USP20: variants seen among roughly 807,000 people sequenced by gnomAD.
USP20 encodes the protein ubiquitin carboxyl-terminal hydrolase 20.
In USP20, 80 loss-of-function variants were observed where a neutral mutation model predicts 124.2. The observed-to-expected ratio is 0.64, with a 90% CI of 0.54 to 0.78. USP20 has a LOEUF of 0.78. Among genes scored for constraint, USP20 ranks in the 30% least tolerant of loss-of-function variants. The pLI, the probability that USP20 is intolerant of heterozygous loss-of-function variation, is 0.00. For synonymous variants in USP20, 481 were observed against 512.3 expected, an observed-to-expected ratio of 0.94 and a Z score of 0.83; for missense variants, 1,043 against 1,244.4, an observed-to-expected ratio of 0.84 and a Z score of 2.44.
chr9:129,852,920 T>C (rs1268252386), intron 3 of USP20, among the ~76,000 whole-genome samples: 2 of 152,194 alleles, frequency 1.3e-5, no homozygotes, highest in Non-Finnish European at 2.9e-5. Context: ...AGGGAATGAA[T>C]GCTGCTTTCC....
chr9:129,875,154 C>T (rs202161086), intron 19 of USP20, among the ~76,000 whole-genome samples, 156 bp from the exon 20 acceptor site: 1 of 152,170 alleles, frequency 6.6e-6, no homozygotes, highest in South Asian at 2.1e-4. Flanking sequence ...CCCTGGCTGG[C>T]GGCACAGGGG....
chr9:129,867,467 G>A (rs972196154), intron 10 of USP20, among the ~76,000 whole-genome samples: 8 of 152,178 alleles, frequency 5.3e-5, no homozygotes, highest in African/African-American at 1.9e-4. Flanking sequence ...GGCTGGCACA[G>A]GGACTGAGGG....
At chr9:129,857,021 G>T (rs1322336607) in intron 4 of USP20, among the ~76,000 whole-genome samples, 1 of 151,558 alleles carries the variant, frequency 6.6e-6, no homozygotes, top group Non-Finnish European at 1.5e-5. Context: ...TATTTTTATA[G>T]TCATACTAAA....
chr9:129,860,444 TA>T (rs1230967455), intron 6 of USP20, among the ~76,000 whole-genome samples: 1 of 39,624 alleles, frequency 2.5e-5, no homozygotes, highest in Non-Finnish European at 6.8e-5. Context: ...TTATTATAAA[TA>T]AAATATTTTT....
intron 8 of USP20, among the ~76,000 whole-genome samples, chr9:129,862,927 A>ATAAT (rs1554747232): frequency 0.022 from 3,326 of 150,634 alleles, 119 homozygotes; most frequent in African/African-American, 0.077. Flanking sequence ...AATAATAATA[A>ATAAT]AAAAATAAGG....
chr9:129,851,242 G>A lies in USP20; in HGVS notation c.-16-1298G>A, dbSNP rs540321437. ...TACCTTCACCCAGTTTCCCCTAATGGTAAGAATAACACATACTTTTTTTTT... is the reference window on the plus strand; with the variant it reads ...TACCTTCACCCAGTTTCCCCTAATGATAAGAATAACACATACTTTTTTTTT... On this transcript the variant is annotated intron_variant, in intron 2 of 25. Transcript: ENST00000372429. 6.9e-4 allele frequency among the ~76,000 whole-genome samples: 104 copies of A among 150,300 alleles called. 1 individual carries two copies. The highest frequency in any genetic ancestry group is 2.3e-3 in the African/African-American group (94 of 40,582).
intron 10 of USP20, 30 bp from the exon 11 acceptor site, chr9:129,867,975 G>T: frequency 6.3e-7 from 1 of 1,592,456 alleles, no homozygotes; most frequent in Non-Finnish European, 8.6e-7. Flanking sequence ...GCCTCCAGGG[G>T]AGCCCTGTTG....
chr9:129,873,209 G>GAGT (rs984923137), intron 15 of USP20, among the ~76,000 whole-genome samples: 2 of 145,878 alleles, frequency 1.4e-5, no homozygotes, highest in Admixed American at 1.4e-4. Context: ...TCAGCCTCCT[G>GAGT]AGTAGCTGGG....
intron 1 of USP20, among the ~76,000 whole-genome samples, chr9:129,847,669 A>C (rs1340215334): frequency 6.6e-6 from 1 of 152,088 alleles, no homozygotes; most frequent in African/African-American, 2.4e-5. Flanking sequence ...AAATGCACGC[A>C]CTTTAAAGAT....
Position 129,879,592 on chromosome 9 carries a change from C to G in USP20, c.2532C>G (p.Asp844Glu), listed in dbSNP as rs369164110. The G allele has an allele frequency of 8.1e-6, 13 of 1,613,628 alleles. No homozygotes were observed. In the African/African-American group the frequency reaches 1.6e-4, roughly 20 times the overall value. ...TTGCAGAGCCCCCCGGGCCCATTGA[C>G]AACAGCAGGATTGCACAGGTCAAAG... ...GKDNEPPGPI[D>E]NSRIAQVKGS... The change falls in exon 24 of 26, where the codon GAC becomes GAG. Residue 844 changes from aspartate (D) to glutamate (E), a missense_variant. Coordinates refer to ENST00000372429, the MANE Select transcript of USP20 (RefSeq NM_001110303.4). This position sits in a 1 kb window ranked among gnomAD's most constrained non-coding sequence, Gnocchi z 4.2.
Position 129,850,292 on chromosome 9 carries a change from G to C in USP20, c.-17+368G>C, listed in dbSNP as rs550394159. Among the ~76,000 whole-genome samples, 352 of 152,132 alleles carry C rather than the reference G, an allele frequency of 2.3e-3. 4 individuals carry two copies. The highest frequency in any genetic ancestry group is 8.2e-3 in the African/African-American group (339 of 41,484). On this transcript the variant is annotated intron_variant, in intron 2 of 25. Coordinates refer to ENST00000372429, the MANE Select transcript of USP20 (RefSeq NM_001110303.4). ...CTTTTCACATTTACATTTTCTATAA[G>C]TTAGAAAGCAACTGAGCGGGCCCTT... is the stretch of plus-strand genomic sequence containing the variant.
rs368236937 is a variant in USP20, at chr9:129,876,146, G to A, written c.2317G>A (p.Ala773Thr). 2.6e-5 allele frequency: 42 copies of A among 1,613,066 alleles called. No homozygotes were observed. Among genetic ancestry groups the A allele is most frequent in the South Asian group, 5.5e-5 (5 of 91,018 alleles). The change falls in exon 22 of 26, where the codon GCC (alanine) becomes ACC (threonine). Residue 773 changes from alanine to threonine, a missense_variant. Physicochemically the swap from Ala to Thr is moderately conservative, Grantham distance 58. Coordinates refer to ENST00000372429, the MANE Select transcript of USP20 (RefSeq NM_001110303.4). ...HLYNRFGGGP[A>T]VNHLYVCSIC... ...TGGGCACAGATTCGGGGGTGGCCCCGCCGTGAACCACCTGTACGTGTGCTC... is the reference window on the plus strand; with the variant it reads ...TGGGCACAGATTCGGGGGTGGCCCCACCGTGAACCACCTGTACGTGTGCTC...
At chr9:129,840,357 G>A (rs1367710552) in intron 1 of USP20, among the ~76,000 whole-genome samples, 3 of 152,118 alleles carry the variant, frequency 2.0e-5, no homozygotes, top group Non-Finnish European at 2.9e-5. Context: ...AGAAACAGCC[G>A]CCCTTGCCCT....
chr9:129,877,668 C>T (rs1394863305), intron 22 of USP20, among the ~76,000 whole-genome samples: 2 of 150,608 alleles, frequency 1.3e-5, no homozygotes, highest in African/African-American at 2.4e-5. Flanking sequence ...GCTGCACTCC[C>T]GCCTGGGCAC....
At chr9:129,871,781 A>G (rs2034140585) in intron 15 of USP20, among the ~76,000 whole-genome samples, 1 of 152,146 alleles carries the variant, frequency 6.6e-6, no homozygotes, top group Non-Finnish European at 1.5e-5. Flanking sequence ...CAATGGCATG[A>G]TCTCGGCTTA....
In USP20 at chr9:129,861,014, C is replaced by G. The variant is rs1503375; in HGVS notation, c.408C>G (p.Asp136Glu). 2 of 1,613,954 alleles carry G rather than the reference C, an allele frequency of 1.2e-6. No individual in the cohort carries two copies. Among genetic ancestry groups the G allele is most frequent in the African/African-American group, 1.3e-5 (1 of 74,882 alleles). The change falls in exon 7 of 26, where the codon GAC (aspartate) becomes GAG (glutamate). Residue 136 changes from aspartate (D) to glutamate (E), a missense_variant. Physicochemically the swap from Asp to Glu is conservative, Grantham distance 45. Transcript: ENST00000372429. ...ATGAAGGAGAGTCTGAGTCAGAGGA[C>G]GATGACCTGAAACCTCGAGGTAATG... ...VADEGESESE[D>E]DDLKPRGLTG...
In USP20 at chr9:129,841,672, G is replaced by A. The variant is rs117979344; in HGVS notation, c.-129+6173G>A. 5.1e-3 allele frequency among the ~76,000 whole-genome samples: 776 copies of A among 152,338 alleles called. 6 individuals carry two copies. Among genetic ancestry groups the A allele is most frequent in the East Asian group, 0.02 (103 of 5,182 alleles). On this transcript the variant is annotated intron_variant, in intron 1 of 25. Transcript: ENST00000372429. Reference sequence around the variant, plus strand: ...TGCAGGGAAGCAAAGGTGCTCAGCAGGAATGGGGGTTCAGAAGCGCAGGCT... The same window carrying A: ...TGCAGGGAAGCAAAGGTGCTCAGCAAGAATGGGGGTTCAGAAGCGCAGGCT...
Position 129,875,404 on chromosome 9 carries a change from G to A in USP20, c.2143G>A (p.Glu715Lys), listed in dbSNP as rs748951786. Residue 715 changes from glutamate (E) to lysine (K), a missense_variant, in exon 20 of 26, where the codon GAG becomes AAG. Coordinates refer to ENST00000372429, the MANE Select transcript of USP20 (RefSeq NM_001110303.4). ...CCTGCTGCGGTTCTACGTGTCCCGC[G>A]AGTGGCTCAACAAGTTCAACACCTT... ...PSLLRFYVSREWLNKFNTFAE... is the reference protein window; with the variant it reads ...PSLLRFYVSRKWLNKFNTFAE... 5 of 1,613,622 alleles carry A rather than the reference G, an allele frequency of 3.1e-6. No homozygotes were observed. The highest frequency in any genetic ancestry group is 3.3e-5 in the Admixed American group (2 of 60,006).
rs779181346 is a variant in USP20 at position 129,861,021 on chromosome 9, C to G, written c.415C>G (p.Leu139Val). The change falls in exon 7 of 26, where the codon CTG becomes GTG. Residue 139 changes from leucine (L) to valine (V), a missense_variant. By Grantham distance (32) the Leu-to-Val change is conservative (BLOSUM62 1). Coordinates refer to ENST00000372429, the MANE Select transcript of USP20 (RefSeq NM_001110303.4). ...EGESESEDDD[L>V]KPRGLTGMKN... ...AGAGTCTGAGTCAGAGGACGATGAC[C>G]TGAAACCTCGAGGTAATGGCCCCCA... 6 of 1,614,006 alleles carry G rather than the reference C, an allele frequency of 3.7e-6. No homozygotes were observed. Among genetic ancestry groups the G allele is most frequent in the Non-Finnish European group, 5.1e-6 (6 of 1,179,968 alleles).
Sources: gnomAD v4.1 joint callset for allele counts (sites outside exome capture counted in the v4.1 genomes callset) on GRCh38, gnomAD v4.1.1 for gene constraint, Gnocchi (gnomAD v3.1) non-coding constraint, MANE v1.5 for transcripts, NCBI Gene and HGNC (gene_info 2026-07-23, HGNC 2026-07-21) for gene names.